ZC3H14: variants seen among roughly 807,000 people sequenced by gnomAD.
ZC3H14 encodes the protein zinc finger CCCH domain-containing protein 14.
In ZC3H14, 31 loss-of-function variants were observed where a neutral mutation model predicts 92.4. The ratio of observed to expected loss-of-function variants is 0.34; its 90% CI spans 0.25 to 0.45. The LOEUF is 0.45. Among genes scored for constraint, ZC3H14 ranks in the 20% least tolerant of loss-of-function variants. The probability of loss-of-function intolerance (pLI) is 1.00; values close to 1 mark genes in which losing one functional copy is unlikely to be tolerated. For synonymous variants in ZC3H14, 321 were observed against 300.9 expected (o/e 1.07, Z -0.69); for missense variants, 781 against 897.3 (o/e 0.87, Z 1.66).
At chr14:88,569,035 T>A (rs1025368025) in intron 3 of ZC3H14, among the ~76,000 whole-genome samples, 7 of 152,000 alleles carry the variant, frequency 4.6e-5, no homozygotes, top group Non-Finnish European at 1.0e-4. Flanking sequence ...CCTGACTAAT[T>A]TTTAAATTTT....
At chr14:88,600,389 C>T (rs1392628188) in intron 10 of ZC3H14, among the ~76,000 whole-genome samples, 1 of 152,034 alleles carries the variant, frequency 6.6e-6, no homozygotes, top group Non-Finnish European at 1.5e-5. Context: ...TTCTAAAAAC[C>T]AGTTTGATCA....
chr14:88,618,598 A>C lies in ZC3H14; in HGVS notation c.*6847A>C. The stretch of plus-strand genomic sequence containing the variant: ...ACTTTAAATGCATTCACTAACACGA[A>C]ATGTAAAAGCAGAAGAACTTGCCAC... On this transcript the variant is annotated 3_prime_UTR_variant, in exon 17 of 17. Coordinates refer to ENST00000251038, the MANE Select transcript of ZC3H14 (RefSeq NM_024824.5). The C allele has an allele frequency of 1.3e-6, 2 of 1,560,258 alleles. No homozygotes were observed. The highest frequency in any genetic ancestry group is 2.4e-5 in the South Asian group (2 of 81,818).
chr14:88,621,922 C>T lies in ZC3H14; in HGVS notation c.*10171C>T, dbSNP rs4635267. 110,423 of 455,148 alleles carry T rather than the reference C, an allele frequency of 0.24. 14,006 individuals are homozygous for T. Among genetic ancestry groups the T allele is most frequent in the East Asian group, 0.36 (5,222 of 14,360 alleles). The allele number at this position is 455,148 out of a possible 1,614,324, so 28.2% of individuals were successfully genotyped here. A position where few individuals can be genotyped will look rare whatever the true frequency, so the allele number is the denominator to read the frequency against. ...GTAAATACCTGAAAATACATAAATA[C>T]GTGATTCTTAACTATAGTCATCCTA... On this transcript the variant is annotated 3_prime_UTR_variant, in exon 17 of 17. Coordinates refer to ENST00000251038, the MANE Select transcript of ZC3H14 (RefSeq NM_024824.5).
At chr14:88,592,338 A>T (rs1453055617) in intron 9 of ZC3H14, 1 of 152,048 alleles carries the variant, frequency 6.6e-6, no homozygotes. Flanking sequence ...TTTGAACATT[A>T]TTTTCTGTCT....
rs2079072702 is a variant in ZC3H14 at position 88,563,046 on chromosome 14, G to A, written c.-88G>A. 9 of 1,519,048 alleles carry A rather than the reference G, an allele frequency of 5.9e-6. No individual in the cohort carries two copies. Among genetic ancestry groups the A allele is most frequent in the Non-Finnish European group, 7.1e-6 (8 of 1,134,190 alleles). 94.1% of individuals were successfully genotyped at this position (1,519,048 alleles called of 1,614,324 possible). A position where few individuals can be genotyped will look rare whatever the true frequency, so the allele number is the denominator to read the frequency against. ...GGGGCGGAACGGAGGAGGAGGCGGT[G>A]GTGTCCCGGCTGCGGGGTAGGAGTC... On this transcript the variant is annotated 5_prime_UTR_variant, in exon 1 of 17. Transcript: ENST00000251038.
intron 10 of ZC3H14, among the ~76,000 whole-genome samples, chr14:88,597,232 T>G (rs1034796673): frequency 6.6e-6 from 1 of 152,164 alleles, no homozygotes; most frequent in Non-Finnish European, 1.5e-5. Context: ...TGGAACTTGT[T>G]GTTCTAGTGT....
Position 88,572,041 on chromosome 14 carries a change from C to G in ZC3H14, c.247C>G (p.Leu83Val), listed in dbSNP as rs1455035120. 2 of 1,613,674 alleles carry G rather than the reference C, an allele frequency of 1.2e-6. No homozygotes were observed. The highest frequency in any genetic ancestry group is 4.5e-5 in the East Asian group (2 of 44,894). ...ATTTTTCTTTTCAGAACCCTCTAGT[C>G]TGAAGTCTTCTGATACCAACATCTT... ...LRSVTTEPSS[L>V]KSSDTNIFDS... Residue 83 changes from leucine to valine, a missense_variant, in exon 5 of 17, where the codon CTG (leucine) becomes GTG (valine). Physicochemically the swap from Leu to Val is conservative, Grantham distance 32. Around this residue, in one of 3 missense-constraint regions of ZC3H14, gnomAD observed 106 missense variants for 154.2 expected, o/e 0.69. Transcript: ENST00000251038.
chr14:88,563,038 G>GAGGC lies in ZC3H14; in HGVS notation c.-95_-92dup. The GAGGC allele has an allele frequency of 6.6e-7, 1 of 1,508,442 alleles. No individual in the cohort carries two copies. Among genetic ancestry groups the GAGGC allele is most frequent in the East Asian group, 2.5e-5 (1 of 40,222 alleles). 93.4% of individuals were successfully genotyped at this position (1,508,442 alleles called of 1,614,324 possible). On this transcript the variant is annotated 5_prime_UTR_variant, in exon 1 of 17. Transcript: ENST00000251038. ...CGCGGCCGGGGGCGGAACGGAGGAG[G>GAGGC]AGGCGGTGGTGTCCCGGCTGCGGGG...
intron 2 of ZC3H14, among the ~76,000 whole-genome samples, chr14:88,565,766 A>G (rs187789135): frequency 6.6e-6 from 1 of 152,270 alleles, no homozygotes; most frequent in Non-Finnish European, 1.5e-5. Context: ...TCCTTTTTCA[A>G]CTGCATATCT....
chr14:88,587,543 T>C (rs573885410), intron 9 of ZC3H14, among the ~76,000 whole-genome samples: 1 of 152,322 alleles, frequency 6.6e-6, no homozygotes, highest in Admixed American at 6.5e-5. Context: ...TTGTCACCTG[T>C]TCTTTTATAT....
rs765331910 is a variant in ZC3H14 at position 88,575,872 on chromosome 14, A to G, written c.1055A>G (p.Lys352Arg). Residue 352 changes from lysine to arginine, a missense_variant, in exon 8 of 17, where the codon AAG becomes AGG. This residue lies in a region of ZC3H14 where 454 missense variants were observed against 438.5 expected (regional missense o/e 1.04). Coordinates refer to ENST00000251038, the MANE Select transcript of ZC3H14 (RefSeq NM_024824.5). ...CTTCCACCTTCTAAACAAGCTAACA[A>G]GAATCTGATTTTGAAGGCTATATCT... is the stretch of plus-strand genomic sequence containing the variant. ...PSLPPSKQAN[K>R]NLILKAISEA... The G allele has an allele frequency of 1.9e-6, 3 of 1,613,872 alleles. No individual in the cohort carries two copies. The highest frequency in any genetic ancestry group is 2.7e-5 in the African/African-American group (2 of 74,932).
rs758706675 is a variant in ZC3H14, at chr14:88,571,132, T to C, written c.235+8T>C. 1.2e-5 allele frequency: 18 copies of C among 1,529,328 alleles called. No individual in the cohort carries two copies. Among genetic ancestry groups the C allele is most frequent in the African/African-American group, 1.5e-5 (1 of 66,926 alleles). The allele number at this position is 1,529,328 out of a possible 1,614,324, so 94.7% of individuals were successfully genotyped here. ...TTCGCTCTGTTACAACTGGTAAGAT[T>C]CATAACTTTTTTTTTTAATTTCTGC... On this transcript the variant is annotated splice_region_variant and intron_variant, in intron 4 of 16. Coordinates refer to ENST00000251038, the MANE Select transcript of ZC3H14 (RefSeq NM_024824.5).
intron 9 of ZC3H14, among the ~76,000 whole-genome samples, chr14:88,579,872 A>G (rs1008455103): frequency 6.6e-6 from 1 of 151,360 alleles, no homozygotes; most frequent in Non-Finnish European, 1.5e-5. Flanking sequence ...GAGCTAGAAG[A>G]CATTATTTAA....
Position 88,626,634 on chromosome 14 carries a change from C to A in ZC3H14, c.*14883C>A, listed in dbSNP as rs80273667. On this transcript the variant is annotated 3_prime_UTR_variant, in exon 17 of 17. Coordinates refer to ENST00000251038, the MANE Select transcript of ZC3H14 (RefSeq NM_024824.5). ...ACTGTGTCAAAAAAAAAAAAAAATC[C>A]TTTTCCCCCTCTCATTAACATTCTT... 3.0e-3 allele frequency: 1,791 copies of A among 588,422 alleles called. 12 individuals carry two copies. In the African/African-American group the frequency reaches 0.031, roughly 10 times the overall value. The allele number at this position is 588,422 out of a possible 1,614,324, so 36.5% of individuals were successfully genotyped here.
At position 88,611,881 on chromosome 14, in the gene ZC3H14, CCTAT is replaced by C. The variant is rs3834529; in HGVS notation, c.*137_*140del. 5.7e-5 allele frequency: 72 copies of C among 1,267,412 alleles called. No homozygotes were observed. Among genetic ancestry groups the C allele is most frequent in the Middle Eastern group, 2.5e-4 (1 of 3,962 alleles). 78.5% of individuals were successfully genotyped at this position (1,267,412 alleles called of 1,614,324 possible). On this transcript the variant is annotated 3_prime_UTR_variant, in exon 17 of 17. Coordinates refer to ENST00000251038, the MANE Select transcript of ZC3H14 (RefSeq NM_024824.5). ...GCTTTCATAATATGAAGTTTTATTG[CCTAT>C]CTATCTGAAGTGTCTAATTTTTCAA...
Position 88,613,889 on chromosome 14 carries a change from G to A in ZC3H14, c.*2138G>A, listed in dbSNP as rs1007664765. 9 of 152,118 alleles carry A rather than the reference G, an allele frequency of 5.9e-5. No individual in the cohort carries two copies. The highest frequency in any genetic ancestry group is 1.9e-4 in the African/African-American group (8 of 41,410). The allele number at this position is 152,118 out of a possible 1,614,324, so 9.4% of individuals were successfully genotyped here. A position where few individuals can be genotyped will look rare whatever the true frequency, so the allele number is the denominator to read the frequency against. On this transcript the variant is annotated 3_prime_UTR_variant, in exon 17 of 17. Coordinates refer to ENST00000251038, the MANE Select transcript of ZC3H14 (RefSeq NM_024824.5). ...TATCATGTTTCTTCACCTTCCCCTC[G>A]TTGCTGGCTGATACAGCGAGGTGGT...
chr14:88,620,743 TG>T lies in ZC3H14; in HGVS notation c.*8993del. ...TATATACTAGAAACTCTATTCCATT[TG>T]TTCACTAACCTGATATCATGGATTG... On this transcript the variant is annotated 3_prime_UTR_variant, in exon 17 of 17. Transcript: ENST00000251038. This position sits in a 1 kb window ranked among gnomAD's most constrained non-coding sequence, Gnocchi z 4.3. The T allele has an allele frequency of 6.4e-7, 1 of 1,563,810 alleles. No homozygotes were observed. Among genetic ancestry groups the T allele is most frequent in the Non-Finnish European group, 8.6e-7 (1 of 1,161,236 alleles).
In ZC3H14 at chr14:88,612,010, T is replaced by C. The variant is rs1392359968; in HGVS notation, c.*259T>C. 1 of 532,698 alleles carries C rather than the reference T, an allele frequency of 1.9e-6. No individual in the cohort carries two copies. The highest frequency in any genetic ancestry group is 1.9e-5 in the African/African-American group (1 of 52,354). The allele number at this position is 532,698 out of a possible 1,614,324, so 33.0% of individuals were successfully genotyped here. A position where few individuals can be genotyped will look rare whatever the true frequency, so the allele number is the denominator to read the frequency against. ...AAGAGCTAAATTCTGTTAAAATATTTGGGGCATGTTTGTGCACTGCTGTTG... is the reference window on the plus strand; with the variant it reads ...AAGAGCTAAATTCTGTTAAAATATTCGGGGCATGTTTGTGCACTGCTGTTG... On this transcript the variant is annotated 3_prime_UTR_variant, in exon 17 of 17. Transcript: ENST00000251038.
intron 12 of ZC3H14, among the ~76,000 whole-genome samples, chr14:88,606,945 A>G (rs767943008): frequency 7.9e-5 from 12 of 151,938 alleles, no homozygotes; most frequent in Non-Finnish European, 1.3e-4. Context: ...GTCCTTCTCT[A>G]TTTTTAATTC....
Sources: gnomAD v4.1 joint callset for allele counts (sites outside exome capture counted in the v4.1 genomes callset) on GRCh38, gnomAD v4.1.1 for gene constraint, gnomAD v4.1.1 regional missense constraint, Gnocchi (gnomAD v3.1) non-coding constraint, MANE v1.5 for transcripts, NCBI Gene and HGNC (gene_info 2026-07-23, HGNC 2026-07-21) for gene names.